Variants in KDM4C observed in about 807,000 individuals in gnomAD.
KDM4C encodes lysine demethylase 4C.
Under a neutral mutation model 129.3 loss-of-function variants are expected in KDM4C, and 81 were observed. The observed-to-expected ratio is 0.63, with a 90% CI of 0.52 to 0.75. KDM4C has a LOEUF of 0.75. Ranked by LOEUF, KDM4C falls within the 30% of genes least tolerant of loss-of-function variation. The probability of loss-of-function intolerance (pLI) is 0.00; values close to 1 mark genes in which losing one functional copy is unlikely to be tolerated. For missense variants in KDM4C, 1,457 were observed against 1,304.0 expected (o/e 1.12, Z -1.81); for synonymous variants, 573 against 456.1 (o/e 1.26, Z -3.26).
chr9:6,778,329 A>G (rs1314677495), intron 1 of KDM4C, among the ~76,000 whole-genome samples: 1 of 149,946 alleles, frequency 6.7e-6, no homozygotes, highest in African/African-American at 2.4e-5. Flanking sequence ...ACCTTAGGTG[A>G]TCCTCCCGCT....
intron 8 of KDM4C, among the ~76,000 whole-genome samples, chr9:6,911,223 G>C (rs1252578400): frequency 6.6e-6 from 1 of 152,042 alleles, no homozygotes; most frequent in African/African-American, 2.4e-5. Context: ...CTTAGAGGAT[G>C]AGGGAAAAAA....
chr9:6,897,782 C>T (rs1487438895), intron 8 of KDM4C, among the ~76,000 whole-genome samples: 1 of 152,138 alleles, frequency 6.6e-6, no homozygotes, highest in South Asian at 2.1e-4. Flanking sequence ...ACATCTAGTT[C>T]TTTGTTTTAG....
At chr9:6,840,200 G>C (rs1297065535) in intron 4 of KDM4C, among the ~76,000 whole-genome samples, 1 of 151,702 alleles carries the variant, frequency 6.6e-6, no homozygotes, top group Non-Finnish European at 1.5e-5. Context: ...AGCCTCCTGA[G>C]TAGCTAGGGC....
chr9:6,731,610 G>C (rs942477115), intron 1 of KDM4C, among the ~76,000 whole-genome samples: 1 of 152,106 alleles, frequency 6.6e-6, no homozygotes, highest in African/African-American at 2.4e-5. Context: ...GGGATTACAG[G>C]CATGAGCCAC....
Position 6,780,624 on chromosome 9 carries a change from G to A in KDM4C, c.-17-12348G>A, listed in dbSNP as rs1052822622. ...TCTACAAAAAATACGAAAATTAGCC[G>A]GGTGTGATACTGTCCACCTGTAATC... is the stretch of plus-strand genomic sequence containing the variant. On this transcript the variant is annotated intron_variant, in intron 1 of 21. Transcript: ENST00000381309. 4.0e-5 allele frequency among the ~76,000 whole-genome samples: 6 copies of A among 151,744 alleles called. No individual in the cohort carries two copies. In the South Asian group the frequency reaches 1.3e-3, roughly 32 times the overall value.
At chr9:6,908,170 C>G (rs952633998) in intron 8 of KDM4C, among the ~76,000 whole-genome samples, 3 of 152,072 alleles carry the variant, frequency 2.0e-5, no homozygotes, top group Non-Finnish European at 4.4e-5. Context: ...TGTTTATATT[C>G]CCTTTACATT....
At chr9:7,038,406 A>G (rs958903504) in intron 15 of KDM4C, among the ~76,000 whole-genome samples, 1 of 152,072 alleles carries the variant, frequency 6.6e-6, no homozygotes, top group African/African-American at 2.4e-5. Context: ...ATGGGACCCA[A>G]ATGATATCAC....
chr9:7,122,750 A>C (rs538260049), intron 18 of KDM4C, among the ~76,000 whole-genome samples: 69 of 151,456 alleles, frequency 4.6e-4, no homozygotes, highest in African/African-American at 1.4e-3. Context: ...TGGCCCTACC[A>C]TTTTTTAAAA....
chr9:6,855,208 C>T (rs1463768983), intron 5 of KDM4C, among the ~76,000 whole-genome samples: 1 of 152,092 alleles, frequency 6.6e-6, no homozygotes, highest in African/African-American at 2.4e-5. Flanking sequence ...TGCCTGTAAT[C>T]CCAGCACTTT....
intron 1 of KDM4C, among the ~76,000 whole-genome samples, chr9:6,721,682 G>C (rs1253135780): frequency 6.6e-6 from 1 of 151,006 alleles, no homozygotes; most frequent in Non-Finnish European, 1.5e-5. Context: ...TCCGCCTCCC[G>C]GGTTCAAGCA....
intron 17 of KDM4C, among the ~76,000 whole-genome samples, chr9:7,055,580 C>A (rs952851819): frequency 6.6e-6 from 1 of 152,168 alleles, no homozygotes; most frequent in Non-Finnish European, 1.5e-5. Context: ...AGTGAACCTG[C>A]AAGCCAAAGA....
At chr9:7,023,393 C>T (rs185957958) in intron 15 of KDM4C, among the ~76,000 whole-genome samples, 1 of 151,858 alleles carries the variant, frequency 6.6e-6, no homozygotes, top group Non-Finnish European at 1.5e-5. Context: ...AGGAATTTAC[C>T]CATTTGTTTT....
chr9:7,001,630 C>T (rs1322554096), intron 12 of KDM4C, among the ~76,000 whole-genome samples: 1 of 152,174 alleles, frequency 6.6e-6, no homozygotes, highest in Non-Finnish European at 1.5e-5. Context: ...CTCTCCCTAG[C>T]AGCTGTTTTG....
chr9:6,730,990 TAC>T (rs774141703), intron 1 of KDM4C, among the ~76,000 whole-genome samples: 11 of 152,216 alleles, frequency 7.2e-5, no homozygotes, highest in Non-Finnish European at 1.2e-4. Context: ...AATACAGAAG[TAC>T]AGAGTCCTTC....
chr9:7,024,766 C>T (rs564116779), intron 15 of KDM4C, among the ~76,000 whole-genome samples: 1 of 152,304 alleles, frequency 6.6e-6, no homozygotes, highest in African/African-American at 2.4e-5. Flanking sequence ...CAAGTCTTTG[C>T]TATTGTGAAT....
At chr9:7,087,511 C>G (rs959925041) in intron 17 of KDM4C, among the ~76,000 whole-genome samples, 51 of 151,888 alleles carry the variant, frequency 3.4e-4, no homozygotes, top group African/African-American at 1.2e-3. Flanking sequence ...TTTTTTAAAA[C>G]TTAGAGTCTT....
intron 4 of KDM4C, among the ~76,000 whole-genome samples, chr9:6,821,316 A>C (rs1832992169): frequency 6.6e-6 from 1 of 152,184 alleles, no homozygotes; most frequent in African/African-American, 2.4e-5. Flanking sequence ...ACAGTGGTTG[A>C]ACTAATTTAC....
At chr9:7,142,617 C>G (rs896339081) in intron 19 of KDM4C, among the ~76,000 whole-genome samples, 1 of 152,144 alleles carries the variant, frequency 6.6e-6, no homozygotes, top group Non-Finnish European at 1.5e-5. Context: ...GAATAGATGA[C>G]TAACTTTGGT....
chr9:6,827,103 A>G (rs1834013300), intron 4 of KDM4C, among the ~76,000 whole-genome samples: 1 of 152,078 alleles, frequency 6.6e-6, no homozygotes, highest in African/African-American at 2.4e-5. Flanking sequence ...CCACTGCCCC[A>G]TTTTCTGCCA....
Sources: gnomAD v4.1 joint callset for allele counts (sites outside exome capture counted in the v4.1 genomes callset) on GRCh38, gnomAD v4.1.1 for gene constraint, MANE v1.5 for transcripts, NCBI Gene and HGNC (gene_info 2026-07-23, HGNC 2026-07-21) for gene names.